Variants in RAB27B observed in about 807,000 individuals in gnomAD.
RAB27B encodes the protein ras-related protein Rab-27B.
Under a neutral mutation model 24.6 loss-of-function variants are expected in RAB27B, and 15 were observed. The ratio of observed to expected loss-of-function variants is 0.61; its 90% CI spans 0.41 to 0.94. The LOEUF is 0.94. RAB27B is among the 40% of genes least tolerant of loss of function. The pLI, the probability that RAB27B is intolerant of heterozygous loss-of-function variation, is 0.00. For synonymous variants in RAB27B, 105 were observed against 92.5 expected (o/e 1.14, Z -0.78); for missense variants, 261 against 266.8 (o/e 0.98, Z 0.15).
chr18:54,838,159 A>G (rs1231931130), intron 1 of RAB27B, among the ~76,000 whole-genome samples: 1 of 152,174 alleles, frequency 6.6e-6, no homozygotes, highest in Non-Finnish European at 1.5e-5. Flanking sequence ...TAACACTTTT[A>G]TCCTCAAGAT....
At chr18:54,879,915 C>T (rs986517762) in intron 3 of RAB27B, 1 of 155,470 alleles carries the variant, frequency 6.4e-6, no homozygotes, top group African/African-American at 2.4e-5. Flanking sequence ...AACAATTGCC[C>T]TCCAGCTAGA....
Position 54,889,431 on chromosome 18 carries a change from A to C in RAB27B, c.*18A>C, listed in dbSNP as rs1455072229. On this transcript the variant is annotated 3_prime_UTR_variant, in exon 6 of 6. Coordinates refer to ENST00000262094, the MANE Select transcript of RAB27B (RefSeq NM_004163.4). ...TCTGCTAGACTCTACATAGAAACTG[A>C]ACATCAAGAACCCCACCAAAATATT... 6.3e-7 allele frequency: 1 copy of C among 1,584,044 alleles called. No individual in the cohort carries two copies. Among genetic ancestry groups the C allele is most frequent in the East Asian group, 2.3e-5 (1 of 44,362 alleles).
At chr18:54,742,667 G>T (rs146189322) in intron 2 of RAB27B, among the ~76,000 whole-genome samples, 174 of 152,252 alleles carry the variant, frequency 1.1e-3, no homozygotes, top group African/African-American at 3.9e-3. Flanking sequence ...TAGGTGTAAG[G>T]CAGTCTGGCT....
At position 54,877,734 on chromosome 18, in the gene RAB27B, G is replaced by C; in HGVS notation, c.149G>C (p.Arg50Pro). Residue 50 changes from arginine (R) to proline (P), a missense_variant, in exon 2 of 6, where the codon CGT becomes CCT. Arg to Pro is a moderately radical substitution (Grantham distance 103). Transcript: ENST00000262094. Reference sequence around the variant, plus strand: ...GTAGGAATAGACTTTCGGGAAAAACGTGTGGTGAGTTTTTAATCGTACTTC... The same window carrying C: ...GTAGGAATAGACTTTCGGGAAAAACCTGTGGTGAGTTTTTAATCGTACTTC... ...TTVGIDFREK[R>P]VVYNAQGPNG... The C allele has an allele frequency of 1.9e-6, 3 of 1,577,480 alleles. No individual in the cohort carries two copies. Among genetic ancestry groups the C allele is most frequent in the Non-Finnish European group, 1.7e-6 (2 of 1,168,566 alleles).
chr18:54,848,645 T>C (rs1335087109), intron 1 of RAB27B, among the ~76,000 whole-genome samples: 1 of 152,202 alleles, frequency 6.6e-6, no homozygotes, highest in Admixed American at 6.5e-5. Flanking sequence ...ATTTGATTTA[T>C]TGAAAATAAC....
intron 4 of RAB27B, among the ~76,000 whole-genome samples, chr18:54,887,670 T>G (rs1284114074): frequency 6.6e-6 from 1 of 152,104 alleles, no homozygotes; most frequent in Admixed American, 6.6e-5. Flanking sequence ...GCGCATGGAT[T>G]AAAAAGATCT....
intron 2 of RAB27B, among the ~76,000 whole-genome samples, chr18:54,741,667 G>C (rs1276038829): frequency 6.6e-6 from 1 of 151,752 alleles, no homozygotes; most frequent in Non-Finnish European, 1.5e-5. Flanking sequence ...CTAATTTTTT[G>C]TTTGTTTGTA....
chr18:54,741,961 A>C (rs1026033956), intron 2 of RAB27B, among the ~76,000 whole-genome samples: 7 of 152,224 alleles, frequency 4.6e-5, no homozygotes, highest in Admixed American at 4.6e-4. Context: ...GGATTCTGAC[A>C]TTCTACCTTC....
chr18:54,740,787 C>T (rs1910047168), intron 2 of RAB27B, among the ~76,000 whole-genome samples: 1 of 151,996 alleles, frequency 6.6e-6, no homozygotes, highest in Admixed American at 6.6e-5. Flanking sequence ...CAGGCTCTCA[C>T]TAAGTGATAG....
intron 4 of RAB27B, among the ~76,000 whole-genome samples, chr18:54,886,522 G>A (rs201740655): frequency 2.6e-5 from 4 of 151,998 alleles, no homozygotes; most frequent in East Asian, 1.9e-4. Context: ...AACTAATGGG[G>A]AAACAAATTC....
At chr18:54,803,854 G>A (rs1909685775) in intron 2 of RAB27B, among the ~76,000 whole-genome samples, 1 of 152,154 alleles carries the variant, frequency 6.6e-6, no homozygotes, top group African/African-American at 2.4e-5. Context: ...TTAGGAATAG[G>A]AGAATCAATA....
At chr18:54,770,462 C>T (rs1475289601) in intron 2 of RAB27B, among the ~76,000 whole-genome samples, 2 of 151,872 alleles carry the variant, frequency 1.3e-5, no homozygotes, top group Middle Eastern at 3.2e-3. Context: ...CTCCCATCAC[C>T]CCCCAGATGG....
chr18:54,842,707 T>A (rs1911165063), intron 1 of RAB27B, among the ~76,000 whole-genome samples: 2 of 152,244 alleles, frequency 1.3e-5, no homozygotes, highest in South Asian at 4.1e-4. Context: ...TTTAAAAACA[T>A]TCTTAGTCTG....
chr18:54,818,423 C>T (rs1910186641), intron 2 of RAB27B, among the ~76,000 whole-genome samples: 1 of 152,146 alleles, frequency 6.6e-6, no homozygotes, highest in African/African-American at 2.4e-5. Flanking sequence ...AATTCATTCC[C>T]ATACATGTTT....
At chr18:54,789,851 A>G (rs1302628784) in intron 2 of RAB27B, among the ~76,000 whole-genome samples, 1 of 152,170 alleles carries the variant, frequency 6.6e-6, no homozygotes, top group Non-Finnish European at 1.5e-5. Flanking sequence ...TCAAGTGAAC[A>G]ACCTATCCCA....
chr18:54,721,428 A>G (rs1909354600), intron 2 of RAB27B, among the ~76,000 whole-genome samples: 2 of 152,228 alleles, frequency 1.3e-5, no homozygotes, highest in Non-Finnish European at 2.9e-5. Context: ...AGATGTTTAA[A>G]TTGCAAATAA....
At chr18:54,733,662 C>A (rs951983765) in intron 2 of RAB27B, among the ~76,000 whole-genome samples, 10 of 136,132 alleles carry the variant, frequency 7.3e-5, no homozygotes, top group Admixed American at 2.9e-4. Flanking sequence ...CCCCCCCCCC[C>A]AAATTTGCTA....
At chr18:54,727,452 C>T (rs1019993533) in intron 2 of RAB27B, among the ~76,000 whole-genome samples, 6 of 152,096 alleles carry the variant, frequency 3.9e-5, no homozygotes, top group Non-Finnish European at 8.8e-5. Context: ...TTTGGGATTT[C>T]CTTAGTGGGT....
At chr18:54,726,997 T>C (rs1469154789) in intron 2 of RAB27B, among the ~76,000 whole-genome samples, 1 of 152,244 alleles carries the variant, frequency 6.6e-6, no homozygotes, top group Non-Finnish European at 1.5e-5. Flanking sequence ...GTTTGTTTGT[T>C]TTGAGACAGA....
Sources: allele counts gnomAD v4.1 joint callset (sites outside exome capture counted in the v4.1 genomes callset), GRCh38; gene constraint gnomAD v4.1.1; transcripts MANE v1.5; gene names NCBI Gene and HGNC (gene_info 2026-07-23, HGNC 2026-07-21).